SERPINB5: variants seen among roughly 807,000 people sequenced by gnomAD.
SERPINB5 encodes serpin family B member 5.
SERPINB5 carries 27 observed loss-of-function variants against 32.2 expected under a neutral mutation model. The ratio of observed to expected loss-of-function variants is 0.84; its 90% CI spans 0.62 to 1.16. SERPINB5 has a LOEUF of 1.16. Among genes scored for constraint, SERPINB5 ranks in the 50% most tolerant of loss-of-function variants. SERPINB5 has a pLI of 0.00. For missense variants in SERPINB5, 388 were observed against 436.3 expected, an observed-to-expected ratio of 0.89 and a Z score of 0.99; for synonymous variants, 154 against 157.4, an observed-to-expected ratio of 0.98 and a Z score of 0.16.
intron 4 of SERPINB5, among the ~76,000 whole-genome samples, chr18:63,491,413 A>ACCCC (rs1568110287): frequency 2.1e-5 from 3 of 145,814 alleles, no homozygotes; most frequent in African/African-American, 5.5e-5. Context: ...CCAAAAAAAA[A>ACCCC]AAAAAAAAAA....
intron 3 of SERPINB5, among the ~76,000 whole-genome samples, chr18:63,488,408 G>GT (rs1599389196): frequency 2.0e-5 from 3 of 152,208 alleles, no homozygotes; most frequent in South Asian, 2.1e-4. Flanking sequence ...GTTTTGTTTT[G>GT]TTTTTTTCCT....
At chr18:63,484,740 TC>T in intron 2 of SERPINB5, 144 bp downstream of exon 2, 37 of 375,346 alleles carry the variant, frequency 9.9e-5, no homozygotes, top group East Asian at 2.3e-4. Context: ...ACTCTCTTAA[TC>T]TTTTTTTTTT....
intron 4 of SERPINB5, among the ~76,000 whole-genome samples, chr18:63,490,251 TC>T (rs1909298318): frequency 6.6e-6 from 1 of 151,890 alleles, no homozygotes; most frequent in Admixed American, 6.6e-5. Context: ...GTGCCGCAGC[TC>T]CCCATGCTGG....
At chr18:63,499,377 G>A (rs1909524831) in intron 6 of SERPINB5, 90 bp downstream of exon 6, 1 of 1,187,470 alleles carries the variant, frequency 8.4e-7, no homozygotes, top group South Asian at 2.5e-5. Context: ...TGAGAGCTGG[G>A]CCGGTAGCCC....
intron 6 of SERPINB5, among the ~76,000 whole-genome samples, chr18:63,502,694 A>G (rs1297051804): frequency 6.6e-6 from 1 of 152,198 alleles, no homozygotes; most frequent in Middle Eastern, 3.2e-3. Context: ...ATGCAACATC[A>G]TGATCCAGGC....
intron 3 of SERPINB5, 43 bp from the exon 4 acceptor site, chr18:63,489,304 G>A: frequency 8.9e-7 from 1 of 1,119,406 alleles, no homozygotes; most frequent in Non-Finnish European, 1.3e-6. Flanking sequence ...CAATGCAATA[G>A]CTTGACTACA....
At position 63,503,769 on chromosome 18, in the gene SERPINB5, G is replaced by C; in HGVS notation, c.*47G>C. ...CCTCCCTGACTTTTCTGTGGATGCCGATTTCTGTAAACTCTGCATCCAGAG... is the reference window on the plus strand; with the variant it reads ...CCTCCCTGACTTTTCTGTGGATGCCCATTTCTGTAAACTCTGCATCCAGAG... On this transcript the variant is annotated 3_prime_UTR_variant, in exon 7 of 7. Coordinates refer to ENST00000382771, the MANE Select transcript of SERPINB5 (RefSeq NM_002639.5). 6.4e-7 allele frequency: 1 copy of C among 1,565,496 alleles called. No individual in the cohort carries two copies. Among genetic ancestry groups the C allele is most frequent in the South Asian group, 1.1e-5 (1 of 87,582 alleles).
chr18:63,488,115 T>C (rs773176060), intron 3 of SERPINB5, among the ~76,000 whole-genome samples: 2 of 152,204 alleles, frequency 1.3e-5, no homozygotes, highest in Non-Finnish European at 2.9e-5. Context: ...ACATTTTTAT[T>C]GCTGGCAGTG....
intron 5 of SERPINB5, among the ~76,000 whole-genome samples, chr18:63,494,321 CAAAAAAAAAAA>C (rs372412366): frequency 2.1e-5 from 1 of 46,688 alleles, no homozygotes; most frequent in Admixed American, 3.0e-4. Flanking sequence ...GACTCCATCT[CAAAAAAAAAAA>C]AAAAAAAAAA....
chr18:63,503,521 G>A lies in SERPINB5; in HGVS notation c.927G>A (p.Glu309=), dbSNP rs2144513730. 6.2e-7 allele frequency: 1 copy of A among 1,614,198 alleles called. No individual in the cohort carries two copies. ...EDTSDFSGMS[E]TKGVALSNVI... ...CATCTGATTTCTCTGGAATGTCAGAGACCAAGGGAGTGGCCCTATCAAATG... is the reference window on the plus strand; with the variant it reads ...CATCTGATTTCTCTGGAATGTCAGAAACCAAGGGAGTGGCCCTATCAAATG... Residue 309 remains glutamate (E), a synonymous_variant, in exon 7 of 7, where the codon GAG becomes GAA. Coordinates refer to ENST00000382771, the MANE Select transcript of SERPINB5 (RefSeq NM_002639.5).
intron 6 of SERPINB5, among the ~76,000 whole-genome samples, chr18:63,501,169 A>G (rs1156796531): frequency 1.3e-5 from 2 of 149,232 alleles, no homozygotes. Context: ...TATTAGGTAT[A>G]TCTCCCAATG....
At chr18:63,483,685 G>T (rs1917158666) in intron 1 of SERPINB5, among the ~76,000 whole-genome samples, 1 of 152,184 alleles carries the variant, frequency 6.6e-6, no homozygotes, top group African/African-American at 2.4e-5. Context: ...TCCAATCTCT[G>T]CCTCCATTGC....
chr18:63,499,091 G>C, intron 5 of SERPINB5, 29 bp from the exon 6 acceptor site: 1 of 1,404,682 alleles, frequency 7.1e-7, no homozygotes, highest in Non-Finnish European at 9.4e-7. Context: ...AAATTGAAAA[G>C]TAAGCAGTCC....
At chr18:63,492,683 G>A (rs1176038576) in intron 4 of SERPINB5, among the ~76,000 whole-genome samples, 1 of 152,146 alleles carries the variant, frequency 6.6e-6, no homozygotes, top group Non-Finnish European at 1.5e-5. Flanking sequence ...CACAGAATAG[G>A]CATTCAGAAT....
chr18:63,479,430 C>T (rs1917090395), intron 1 of SERPINB5, among the ~76,000 whole-genome samples: 1 of 152,186 alleles, frequency 6.6e-6, no homozygotes, highest in Admixed American at 6.5e-5. Flanking sequence ...GCCCTACCCC[C>T]AGCCCAGTAC....
chr18:63,491,327 G>GT (rs1909329031), intron 4 of SERPINB5, among the ~76,000 whole-genome samples: 1 of 149,102 alleles, frequency 6.7e-6, no homozygotes, highest in Non-Finnish European at 1.5e-5. Context: ...GCTTGAACCT[G>GT]GGAGGCGGAG....
intron 6 of SERPINB5, among the ~76,000 whole-genome samples, chr18:63,501,804 G>A (rs1909576320): frequency 6.6e-6 from 1 of 152,150 alleles, no homozygotes; most frequent in African/African-American, 2.4e-5. Context: ...GTGATGATGA[G>A]CATTTTTTCA....
intron 1 of SERPINB5, among the ~76,000 whole-genome samples, chr18:63,477,604 C>A (rs1917055752): frequency 6.6e-6 from 1 of 152,160 alleles, no homozygotes; most frequent in Admixed American, 6.5e-5. Flanking sequence ...CTGCATTCTT[C>A]TAAGCGGAAA....
intron 1 of SERPINB5, among the ~76,000 whole-genome samples, chr18:63,478,081 G>A (rs565352705): frequency 6.6e-6 from 1 of 152,344 alleles, no homozygotes; most frequent in South Asian, 2.1e-4. Flanking sequence ...TAGTGTAAGT[G>A]TTCGATGAGT....
Sources: allele counts gnomAD v4.1 joint callset (sites outside exome capture counted in the v4.1 genomes callset), GRCh38; gene constraint gnomAD v4.1.1; transcripts MANE v1.5; gene names NCBI Gene and HGNC (gene_info 2026-07-23, HGNC 2026-07-21).